Variants in SNX29 observed in about 807,000 individuals in gnomAD.
The protein encoded by SNX29 is sorting nexin 29.
In SNX29, 78 loss-of-function variants were observed where a neutral mutation model predicts 102.1. That is an observed-to-expected ratio of 0.76 (90% CI 0.64 to 0.92). The LOEUF (loss-of-function observed/expected upper bound fraction) is 0.92, where lower values mean the gene tolerates loss of function less well. SNX29 is among the 40% of genes least tolerant of loss of function. The pLI is 0.00. For missense variants in SNX29, 1,280 were observed against 1,061.7 expected (o/e 1.21, Z -2.86); for synonymous variants, 580 against 414.5 (o/e 1.40, Z -4.85).
chr16:12,539,998 T>TA (rs1387697301), intron 20 of SNX29, among the ~76,000 whole-genome samples: 1 of 152,052 alleles, frequency 6.6e-6, no homozygotes, highest in Non-Finnish European at 1.5e-5. Flanking sequence ...CAGCTTCTTT[T>TA]CAGTGTCTTT....
chr16:12,457,575 C>A (rs1410435198), intron 18 of SNX29, among the ~76,000 whole-genome samples: 1 of 152,196 alleles, frequency 6.6e-6, no homozygotes, highest in East Asian at 1.9e-4. Flanking sequence ...GGGGAAAAGA[C>A]AAAGGTTCAA....
At chr16:12,409,003 C>A (rs144487803) in intron 18 of SNX29, among the ~76,000 whole-genome samples, 1 of 152,192 alleles carries the variant, frequency 6.6e-6, no homozygotes, top group Non-Finnish European at 1.5e-5. Flanking sequence ...AGTTTGTGTT[C>A]CTGTGTCCTG....
intron 3 of SNX29, among the ~76,000 whole-genome samples, chr16:12,015,737 G>C (rs1303566067): frequency 7.5e-6 from 1 of 132,592 alleles, no homozygotes; most frequent in South Asian, 2.5e-4. Flanking sequence ...GGGTTTCACC[G>C]TGTTAGCCAG....
intron 14 of SNX29, 139 bp from the exon 15 acceptor site, chr16:12,277,794 G>A: frequency 1.5e-6 from 1 of 653,916 alleles, no homozygotes; most frequent in Non-Finnish European, 2.7e-6. Flanking sequence ...GAAGTAGTTA[G>A]TAAGTGTGTG....
intron 18 of SNX29, among the ~76,000 whole-genome samples, chr16:12,404,340 G>T (rs564464639): frequency 2.0e-5 from 3 of 152,078 alleles, no homozygotes; most frequent in Admixed American, 1.3e-4. Flanking sequence ...CCAGTTCTCC[G>T]TCTCCTCTCT....
At chr16:12,567,325 G>C (rs115545455) in intron 20 of SNX29, among the ~76,000 whole-genome samples, 7 of 152,274 alleles carry the variant, frequency 4.6e-5, no homozygotes, top group African/African-American at 1.7e-4. Flanking sequence ...TGCTGCGGAC[G>C]CAGGAGTGGA....
chr16:12,162,952 G>T (rs1317109831), intron 13 of SNX29, among the ~76,000 whole-genome samples: 1 of 152,098 alleles, frequency 6.6e-6, no homozygotes, highest in African/African-American at 2.4e-5. Context: ...TACGCTCTTG[G>T]CTCACTGCAA....
chr16:12,387,212 G>C (rs947313925), intron 16 of SNX29, among the ~76,000 whole-genome samples: 2 of 152,108 alleles, frequency 1.3e-5, no homozygotes, highest in African/African-American at 4.8e-5. Context: ...CATTCCTGCT[G>C]CTTCTGCACT....
At position 12,054,125 on chromosome 16, in the gene SNX29, G is replaced by T. The variant is rs531574777; in HGVS notation, c.1124+1903G>T. 5.3e-3 allele frequency among the ~76,000 whole-genome samples: 812 copies of T among 152,140 alleles called. 6 individuals are homozygous for T. Among genetic ancestry groups the T allele is most frequent in the African/African-American group, 0.018 (759 of 41,490 alleles). The stretch of plus-strand genomic sequence containing the variant: ...TGGGACTGCAAGCGTCCGCCACCAC[G>T]CCCGGCTAATTTTTGTATTTTTAGT... On this transcript the variant is annotated intron_variant, in intron 8 of 20. Transcript: ENST00000566228.
At chr16:12,525,743 G>A (rs1030724624) in intron 20 of SNX29, among the ~76,000 whole-genome samples, 6 of 128,436 alleles carry the variant, frequency 4.7e-5, no homozygotes, top group African/African-American at 1.8e-4. Context: ...CTTCAAAATT[G>A]TCAATTAACC....
chr16:12,357,681 A>G (rs2082177816), intron 16 of SNX29, among the ~76,000 whole-genome samples: 2 of 152,068 alleles, frequency 1.3e-5, no homozygotes, highest in African/African-American at 4.8e-5. Flanking sequence ...TGTCCCCTTT[A>G]AACAGTCAGT....
intron 16 of SNX29, chr16:12,372,458 C>T (rs1242723477): frequency 5.3e-5 from 8 of 152,192 alleles, no homozygotes; most frequent in Admixed American, 3.3e-4. Flanking sequence ...TAATTAATTC[C>T]GTTGAGCTAC....
rs988785941 is a variant in SNX29 at position 12,569,563 on chromosome 16, C to T, written c.*934C>T. The T allele has an allele frequency of 8.7e-6, 2 of 230,994 alleles. No homozygotes were observed. Among genetic ancestry groups the T allele is most frequent in the Admixed American group, 5.7e-5 (1 of 17,688 alleles). 14.3% of individuals were successfully genotyped at this position (230,994 alleles called of 1,614,324 possible). ...TGTGGACACTTAACAGATCATGTGT[C>T]TCTCCACTAAAAACATTTTCCATCC... On this transcript the variant is annotated 3_prime_UTR_variant, in exon 21 of 21. Coordinates refer to ENST00000566228, the MANE Select transcript of SNX29 (RefSeq NM_032167.5).
intron 13 of SNX29, among the ~76,000 whole-genome samples, chr16:12,148,460 G>C (rs530381882): frequency 3.2e-4 from 48 of 152,202 alleles, no homozygotes; most frequent in East Asian, 2.1e-3. Context: ...GGGAGTTGAC[G>C]TTAGCTACAT....
intron 15 of SNX29, among the ~76,000 whole-genome samples, chr16:12,351,483 G>A (rs894651234): frequency 3.9e-5 from 6 of 152,194 alleles, no homozygotes; most frequent in African/African-American, 1.4e-4. Flanking sequence ...TAATCAAGAA[G>A]CATCTAATTT....
intron 11 of SNX29, among the ~76,000 whole-genome samples, chr16:12,092,621 C>T (rs2052603564): frequency 6.6e-6 from 1 of 152,194 alleles, no homozygotes; most frequent in Admixed American, 6.5e-5. Context: ...GTCGCTTGAC[C>T]TCTCTGTGCC....
intron 15 of SNX29, among the ~76,000 whole-genome samples, chr16:12,295,044 C>G (rs112716667): frequency 0.079 from 12,062 of 152,230 alleles, 954 homozygotes; most frequent in African/African-American, 0.2. Flanking sequence ...AAAACCAACA[C>G]ATCTCGTGAG....
chr16:12,564,797 G>T (rs565872207), intron 20 of SNX29, among the ~76,000 whole-genome samples: 12 of 152,000 alleles, frequency 7.9e-5, no homozygotes, highest in African/African-American at 1.7e-4. Context: ...AAGAAATGGT[G>T]TTGTCATTCC....
chr16:12,545,220 TGACAGGGAAA>T (rs1381834906), intron 20 of SNX29, among the ~76,000 whole-genome samples: 1 of 152,150 alleles, frequency 6.6e-6, no homozygotes. Context: ...GGGCAGGCAA[TGACAGGGAAA>T]GGGCCTCTGT....
Sources: allele counts gnomAD v4.1 joint callset (sites outside exome capture counted in the v4.1 genomes callset), GRCh38; gene constraint gnomAD v4.1.1; transcripts MANE v1.5; gene names NCBI Gene and HGNC (gene_info 2026-07-23, HGNC 2026-07-21).